TRHDE: variants seen among roughly 807,000 people sequenced by gnomAD.
TRHDE encodes thyrotropin releasing hormone degrading enzyme.
TRHDE carries 72 observed loss-of-function variants against 125.7 expected under a neutral mutation model. The ratio of observed to expected loss-of-function variants is 0.57; its 90% confidence interval spans 0.47 to 0.70. TRHDE has a LOEUF of 0.70. Among genes scored for constraint, TRHDE ranks in the 30% least tolerant of loss-of-function variants. TRHDE has a pLI of 0.00. For missense variants in TRHDE, 1,110 were observed against 1,327.1 expected (o/e 0.84, Z 2.54); for synonymous variants, 509 against 509.1 (o/e 1.00, Z 0.00).
At chr12:72,321,019 T>G (rs1003409792) in intron 2 of TRHDE, among the ~76,000 whole-genome samples, 1 of 152,134 alleles carries the variant, frequency 6.6e-6, no homozygotes, top group Non-Finnish European at 1.5e-5. Flanking sequence ...AACTTATTAG[T>G]GGGAAATGTA....
At chr12:72,467,990 A>C (rs1274497799) in intron 3 of TRHDE, among the ~76,000 whole-genome samples, 1 of 152,246 alleles carries the variant, frequency 6.6e-6, no homozygotes, top group Non-Finnish European at 1.5e-5. Flanking sequence ...ATCAGTACCC[A>C]TACCACTAAC....
At chr12:72,487,813 A>T (rs948348533) in intron 5 of TRHDE, among the ~76,000 whole-genome samples, 2 of 152,122 alleles carry the variant, frequency 1.3e-5, no homozygotes, top group Non-Finnish European at 1.5e-5. Context: ...AAAAATAATT[A>T]AAGCTACAAA....
chr12:72,450,024 A>G (rs2135868589), intron 3 of TRHDE, among the ~76,000 whole-genome samples: 1 of 151,944 alleles, frequency 6.6e-6, no homozygotes, highest in African/African-American at 2.4e-5. Context: ...TTCTCATCTG[A>G]ATTTAATATT....
intron 2 of TRHDE, among the ~76,000 whole-genome samples, chr12:72,316,705 G>C (rs1053006600): frequency 7.9e-5 from 12 of 152,110 alleles, no homozygotes; most frequent in African/African-American, 2.4e-4. Context: ...TATTCATGTT[G>C]ATGCAGGTAG....
chr12:72,379,334 T>G (rs1382876756), intron 3 of TRHDE, among the ~76,000 whole-genome samples: 2 of 152,212 alleles, frequency 1.3e-5, no homozygotes, highest in Non-Finnish European at 2.9e-5. Flanking sequence ...TAGGCAAAAT[T>G]TTATTTTAAA....
chr12:72,614,331 T>TATATATATATATATATA (rs1448155527), intron 12 of TRHDE, among the ~76,000 whole-genome samples: 1 of 48,566 alleles, frequency 2.1e-5, no homozygotes, highest in African/African-American at 1.3e-4. Flanking sequence ...TATATATATA[T>TATATATATATATATATA]TTTTTTTTTC....
intron 9 of TRHDE, among the ~76,000 whole-genome samples, chr12:72,565,573 G>A (rs1248212128): frequency 6.6e-6 from 1 of 152,160 alleles, no homozygotes; most frequent in Non-Finnish European, 1.5e-5. Context: ...CCTATACACT[G>A]AGGAGCTTCT....
At chr12:72,484,617 A>AATG (rs1293044189) in intron 5 of TRHDE, among the ~76,000 whole-genome samples, 2 of 152,216 alleles carry the variant, frequency 1.3e-5, no homozygotes, top group Non-Finnish European at 2.9e-5. Context: ...AATGTTAACA[A>AATG]ATGTCAAGAT....
intron 12 of TRHDE, among the ~76,000 whole-genome samples, chr12:72,606,448 T>A (rs1212087352): frequency 5.3e-5 from 8 of 152,204 alleles, no homozygotes; most frequent in Admixed American, 3.3e-4. Context: ...GTCTTAAGGC[T>A]GCCACCTTTG....
Position 72,161,723 on chromosome 12 carries a change from G to A in TRHDE, n.279+55971G>A, listed in dbSNP as rs374789751. Among the ~76,000 whole-genome samples, 6 of 152,204 alleles carry A rather than the reference G, an allele frequency of 3.9e-5. No individual in the cohort carries two copies. The East Asian group carries it at 7.7e-4, about 20-fold the overall frequency. The stretch of plus-strand genomic sequence containing the variant: ...TTGGCAGAAGTATAGGGAGAGGATT[G>A]GTTTATTTTCATATTTAAGAATGAG... On this transcript the variant is annotated intron_variant and non_coding_transcript_variant, in intron 2 of 4. Coordinates refer to the TRHDE transcript ENST00000548156.
At chr12:72,629,150 C>CTAA (rs1873375490) in intron 15 of TRHDE, among the ~76,000 whole-genome samples, 1 of 151,800 alleles carries the variant, frequency 6.6e-6, no homozygotes, top group Non-Finnish European at 1.5e-5. Flanking sequence ...GCATTAACGA[C>CTAA]TTTATATTCT....
rs116055261 is a variant in TRHDE at position 72,294,677 on chromosome 12, C to A, written c.1188+7723C>A. Among the ~76,000 whole-genome samples the A allele has an allele frequency of 4.9e-3, 740 of 152,224 alleles. 5 individuals are homozygous for A. The highest frequency in any genetic ancestry group is 0.016 in the African/African-American group (679 of 41,562). ...CCTACTCTGGTCTGTGGGATGGCAG[C>A]CTGTTCCCTGCTCACTGGGGACCCG... On this transcript the variant is annotated intron_variant, in intron 2 of 18. Transcript: ENST00000261180.
At chr12:72,156,095 C>T (rs572863860) in intron 2 of TRHDE, among the ~76,000 whole-genome samples, 445 of 152,268 alleles carry the variant, frequency 2.9e-3, no homozygotes, top group African/African-American at 0.01. Flanking sequence ...TCGGCAGTGG[C>T]GGGCGCCCCT....
intron 2 of TRHDE, among the ~76,000 whole-genome samples, chr12:72,367,271 G>T (rs529636857): frequency 6.6e-6 from 1 of 152,152 alleles, no homozygotes; most frequent in Admixed American, 6.6e-5. Flanking sequence ...CTTAAGTTCT[G>T]TTGCCTAAAT....
intron 2 of TRHDE, among the ~76,000 whole-genome samples, chr12:72,246,176 A>C (rs1354616851): frequency 6.6e-6 from 1 of 151,916 alleles, no homozygotes; most frequent in Middle Eastern, 3.4e-3. Context: ...TATTGTCCTC[A>C]AAAAAAACTG....
chr12:72,293,091 G>A (rs1223408237), intron 2 of TRHDE, among the ~76,000 whole-genome samples: 3 of 152,114 alleles, frequency 2.0e-5, no homozygotes, highest in African/African-American at 7.2e-5. Context: ...GTGTTTTATG[G>A]AACCTCAGCT....
chr12:72,518,555 G>T (rs1012906406), intron 6 of TRHDE, among the ~76,000 whole-genome samples: 1 of 151,976 alleles, frequency 6.6e-6, no homozygotes, highest in African/African-American at 2.4e-5. Context: ...ATGTGAGATG[G>T]GTTTCCTGAA....
At chr12:72,433,210 A>C (rs1874575717) in intron 3 of TRHDE, among the ~76,000 whole-genome samples, 1 of 152,054 alleles carries the variant, frequency 6.6e-6, no homozygotes, top group African/African-American at 2.4e-5. Flanking sequence ...TAGCATGTTG[A>C]TGATGATTTT....
chr12:72,128,028 C>A (rs939415216), intron 2 of TRHDE, among the ~76,000 whole-genome samples: 1 of 151,962 alleles, frequency 6.6e-6, no homozygotes. Flanking sequence ...AAAACAGAAC[C>A]CTGGAAATGT....
Sources: gnomAD v4.1 joint callset for allele counts (sites outside exome capture counted in the v4.1 genomes callset) on GRCh38, gnomAD v4.1.1 for gene constraint, MANE v1.5 for transcripts, NCBI Gene and HGNC (gene_info 2026-07-23, HGNC 2026-07-21) for gene names.